The following CNTNAP3B variants were observed in gnomAD, a reference collection of about 807,000 sequenced individuals.
The protein encoded by CNTNAP3B is contactin associated protein family member 3B.
Under a neutral mutation model 108.9 loss-of-function variants are expected in CNTNAP3B, and 25 were observed. The observed-to-expected ratio is 0.23, with a 90% confidence interval of 0.17 to 0.32. The LOEUF (loss-of-function observed/expected upper bound fraction) is 0.32. Ranked by LOEUF, CNTNAP3B falls within the 10% of genes least tolerant of loss-of-function variation. The probability of loss-of-function intolerance (pLI) is 1.00; values close to 1 mark genes in which losing one functional copy is unlikely to be tolerated. For missense variants in CNTNAP3B, 252 were observed against 1,210.4 expected, an observed-to-expected ratio of 0.21 and a Z score of 11.75; for synonymous variants, 103 against 473.4, an observed-to-expected ratio of 0.22 and a Z score of 10.16.
In CNTNAP3B at chr9:42,113,835, G is replaced by C. The variant is rs1431227800; in HGVS notation, c.86-9096C>G. Among the ~76,000 whole-genome samples the C allele has an allele frequency of 1.4e-5, 2 of 139,022 alleles. 1 individual carries two copies. Among genetic ancestry groups the C allele is most frequent in the East Asian group, 4.3e-4 (2 of 4,616 alleles). 91.2% of individuals were successfully genotyped at this position (139,022 alleles called of 152,430 possible). On this transcript the variant is annotated intron_variant, in intron 1 of 23. Coordinates refer to ENST00000377561, the MANE Select transcript of CNTNAP3B (RefSeq NM_001201380.3). ...CAACTCGAAGGATAATTGCTTGAGG[G>C]GATGGATACTCCATTTTTCTTGATG...
chr9:41,942,503 G>C (rs58345333), intron 13 of CNTNAP3B, among the ~76,000 whole-genome samples: 126,069 of 150,628 alleles, frequency 0.84, 50,780 homozygotes, highest in Admixed American at 0.87. Context: ...CCCAGCTACT[G>C]GGGAGGCTGA....
intron 1 of CNTNAP3B, among the ~76,000 whole-genome samples, chr9:42,125,666 T>G (rs1417108383): frequency 2.2e-5 from 1 of 46,472 alleles, no homozygotes. Flanking sequence ...ACATTTTTTG[T>G]TTTTTTTTTT....
At chr9:41,931,182 T>TA (rs1220865294) in intron 14 of CNTNAP3B, among the ~76,000 whole-genome samples, 1,291 of 151,780 alleles carry the variant, frequency 8.5e-3, no homozygotes, top group African/African-American at 9.0e-3. Flanking sequence ...CTTTCTGAAT[T>TA]AAAAAAAATT....
At chr9:41,940,545 T>C (rs1233487805) in intron 13 of CNTNAP3B, among the ~76,000 whole-genome samples, 8 of 152,264 alleles carry the variant, frequency 5.3e-5, no homozygotes, top group Admixed American at 6.5e-5. Flanking sequence ...TTAGGCCGGG[T>C]GCGGTGGCTC....
intron 2 of CNTNAP3B, among the ~76,000 whole-genome samples, chr9:42,096,624 C>T (rs1307051794): frequency 8.0e-6 from 1 of 125,332 alleles, no homozygotes; most frequent in African/African-American, 3.3e-5. Flanking sequence ...ACAGAAATGG[C>T]CTTTATAGGA....
intron 13 of CNTNAP3B, among the ~76,000 whole-genome samples, chr9:41,943,529 T>C (rs1040907142): frequency 6.6e-5 from 10 of 151,874 alleles, no homozygotes; most frequent in Non-Finnish European, 1.5e-4. Context: ...ATTTTTTGTA[T>C]TTTTAGTAGA....
rs558410775 is a variant in CNTNAP3B, at chr9:41,959,348, T to C, written c.1876+1425A>G. On this transcript the variant is annotated intron_variant, in intron 12 of 23. Transcript: ENST00000377561. ...CAACTAGAGAATTTATTACTGGCTA[T>C]AGAGCAATGCGGCATCTAAAGAGAA... is the stretch of plus-strand genomic sequence containing the variant. Among the ~76,000 whole-genome samples the C allele has an allele frequency of 2.4e-4, 37 of 152,344 alleles. No homozygotes were observed. In the South Asian group the frequency reaches 7.3e-3, roughly 30 times the overall value.
At chr9:42,117,314 T>C (rs2118733805) in intron 1 of CNTNAP3B, among the ~76,000 whole-genome samples, 1 of 133,628 alleles carries the variant, frequency 7.5e-6, no homozygotes, top group Non-Finnish European at 1.6e-5. Flanking sequence ...ACAGAAATTA[T>C]AACAAACTGT....
chr9:42,031,114 A>C (rs1826517254), intron 3 of CNTNAP3B, among the ~76,000 whole-genome samples: 1 of 81,628 alleles, frequency 1.2e-5, no homozygotes, highest in Non-Finnish European at 2.5e-5. Flanking sequence ...TCACCAAAAT[A>C]TCCTTTTCAT....
At chr9:42,071,296 AG>A (rs1474957215) in intron 3 of CNTNAP3B, among the ~76,000 whole-genome samples, 1 of 146,204 alleles carries the variant, frequency 6.8e-6, no homozygotes, top group East Asian at 2.0e-4. Context: ...GAATTCTATC[AG>A]GAAGAGATAA....
chr9:41,944,798 A>G (rs1246627565), intron 13 of CNTNAP3B, among the ~76,000 whole-genome samples: 65 of 152,394 alleles, frequency 4.3e-4, no homozygotes, highest in Non-Finnish European at 1.2e-4. Flanking sequence ...GAGCTTCTGC[A>G]CAGCAAAAGA....
rs559838085 is a variant in CNTNAP3B, at chr9:41,977,910, C to G, written c.1478-7665G>C. ...CCTCCCAAAGTGCTGGGATTACAGG[C>G]GTGAGCCACTGTGCCTGGCCGAATT... On this transcript the variant is annotated intron_variant, in intron 9 of 23. Coordinates refer to ENST00000377561, the MANE Select transcript of CNTNAP3B (RefSeq NM_001201380.3). Among the ~76,000 whole-genome samples, 6 of 142,710 alleles carry G rather than the reference C, an allele frequency of 4.2e-5. No individual in the cohort carries two copies. The East Asian group carries it at 1.0e-3, about 25-fold the overall frequency. The allele number at this position is 142,710 out of a possible 152,430, so 93.6% of individuals were successfully genotyped here.
At chr9:41,977,945 T>A (rs1467450330) in intron 9 of CNTNAP3B, among the ~76,000 whole-genome samples, 3 of 141,820 alleles carry the variant, frequency 2.1e-5, no homozygotes, top group Non-Finnish European at 4.6e-5. Context: ...TTTACTTTCA[T>A]ATTGTGCTGT....
At chr9:42,116,653 G>C (rs1396840979) in intron 1 of CNTNAP3B, among the ~76,000 whole-genome samples, 2 of 139,416 alleles carry the variant, frequency 1.4e-5, no homozygotes, top group Non-Finnish European at 3.1e-5. Flanking sequence ...ATAATGACAG[G>C]ATCAAATTCA....
intron 2 of CNTNAP3B, among the ~76,000 whole-genome samples, chr9:42,103,405 T>A (rs577405106): frequency 6.8e-5 from 7 of 102,406 alleles, no homozygotes; most frequent in African/African-American, 1.3e-4. Flanking sequence ...CACCAAGAAA[T>A]GCAACAGGGA....
chr9:42,089,294 T>A (rs1186544313), intron 2 of CNTNAP3B, among the ~76,000 whole-genome samples: 1 of 117,008 alleles, frequency 8.5e-6, no homozygotes, highest in Non-Finnish European at 1.8e-5. Flanking sequence ...CATTATTCTA[T>A]CAGAGATTGA....
intron 1 of CNTNAP3B, among the ~76,000 whole-genome samples, chr9:42,124,190 CT>C (rs1368117454): frequency 3.0e-5 from 4 of 135,358 alleles, no homozygotes; most frequent in Non-Finnish European, 6.2e-5. Flanking sequence ...TTCAATCACT[CT>C]TCGTATTATT....
chr9:41,965,213 A>G (rs1387089938), intron 10 of CNTNAP3B, among the ~76,000 whole-genome samples: 1 of 152,304 alleles, frequency 6.6e-6, no homozygotes, highest in Non-Finnish European at 1.5e-5. Context: ...CCACAAATTC[A>G]ATACAATTCT....
chr9:42,021,967 G>A (rs1387773551), intron 3 of CNTNAP3B, among the ~76,000 whole-genome samples: 1 of 117,910 alleles, frequency 8.5e-6, no homozygotes, highest in Non-Finnish European at 1.7e-5. Context: ...CCTGGGCTTA[G>A]GCAAGCCAAC....
Sources: allele counts gnomAD v4.1 joint callset (sites outside exome capture counted in the v4.1 genomes callset), GRCh38; gene constraint gnomAD v4.1.1; transcripts MANE v1.5; gene names NCBI Gene and HGNC (gene_info 2026-07-23, HGNC 2026-07-21).